PKIG: variants seen among roughly 807,000 people sequenced by gnomAD.
The protein encoded by PKIG is protein kinase (cAMP-dependent, catalytic) inhibitor gamma.
A neutral mutation model predicts 6.8 loss-of-function variants in PKIG; 1 was observed. The observed-to-expected ratio is 0.15, with a 90% CI of 0.05 to 0.69. The LOEUF is 0.69. PKIG is among the 30% of genes least tolerant of loss of function. The probability of loss-of-function intolerance (pLI) is 0.82; values close to 1 mark genes in which losing one functional copy is unlikely to be tolerated. For synonymous variants in PKIG, 39 were observed against 43.0 expected (o/e 0.91, Z 0.36); for missense variants, 77 against 104.0 (o/e 0.74, Z 1.13).
chr20:44,584,151 A>G (rs1222697958), intron 1 of PKIG, among the ~76,000 whole-genome samples: 1 of 152,178 alleles, frequency 6.6e-6, no homozygotes, highest in Non-Finnish European at 1.5e-5. Flanking sequence ...GACTGAGGAC[A>G]ACCATCTACT....
chr20:44,593,982 T>C (rs914145346), intron 2 of PKIG, among the ~76,000 whole-genome samples: 2 of 152,202 alleles, frequency 1.3e-5, no homozygotes, highest in African/African-American at 4.8e-5. Context: ...ATGAGTGCTC[T>C]TGTGCCAACG....
chr20:44,571,601 T>A (rs1293807141), intron 1 of PKIG, among the ~76,000 whole-genome samples: 1 of 152,220 alleles, frequency 6.6e-6, no homozygotes, highest in Non-Finnish European at 1.5e-5. Flanking sequence ...TAACAAGCAC[T>A]TTTTCGTCTT....
chr20:44,563,251 C>G (rs2064782815), intron 1 of PKIG, among the ~76,000 whole-genome samples: 1 of 152,160 alleles, frequency 6.6e-6, no homozygotes, highest in Admixed American at 6.5e-5. Flanking sequence ...CCCTTTTACT[C>G]AGGAAAATTT....
chr20:44,551,174 C>T (rs934424953), intron 1 of PKIG, among the ~76,000 whole-genome samples: 3 of 152,124 alleles, frequency 2.0e-5, no homozygotes, highest in African/African-American at 7.2e-5. Flanking sequence ...CTGCCTCAGC[C>T]TCCCCAGCAG....
intron 2 of PKIG, among the ~76,000 whole-genome samples, chr20:44,591,597 G>A (rs73615492): frequency 0.011 from 1,581 of 146,930 alleles, 14 homozygotes; most frequent in East Asian, 0.063. Context: ...GGGGAGAAAA[G>A]AGGAAGTGGT....
chr20:44,541,716 G>A (rs1356948101), intron 1 of PKIG, among the ~76,000 whole-genome samples: 2 of 144,242 alleles, frequency 1.4e-5, no homozygotes, highest in African/African-American at 5.2e-5. Flanking sequence ...TTTTTGAGAC[G>A]GGGTTTTGCT....
chr20:44,549,942 G>T (rs2064652768), intron 1 of PKIG, among the ~76,000 whole-genome samples: 1 of 151,930 alleles, frequency 6.6e-6, no homozygotes, highest in Admixed American at 6.6e-5. Flanking sequence ...AAGGGAGTTA[G>T]GAAGAGATCT....
chr20:44,616,749 A>G (rs2065268360), intron 3 of PKIG, among the ~76,000 whole-genome samples: 1 of 152,184 alleles, frequency 6.6e-6, no homozygotes, highest in African/African-American at 2.4e-5. Flanking sequence ...GCCCGCAGGG[A>G]GCAGTTCCGT....
At chr20:44,617,870 C>T (rs548620094) in intron 3 of PKIG, among the ~76,000 whole-genome samples, 1 of 151,888 alleles carries the variant, frequency 6.6e-6, no homozygotes, top group South Asian at 2.1e-4. Context: ...CATGGTGAAA[C>T]CCCGTCTCTA....
upstream of PKIG, among the ~76,000 whole-genome samples, chr20:44,578,689 CA>C (rs2064921535): frequency 2.0e-5 from 3 of 152,294 alleles, no homozygotes; most frequent in South Asian, 6.2e-4. Context: ...AACTGTGAGC[CA>C]AATAAACCTC....
intron 1 of PKIG, among the ~76,000 whole-genome samples, chr20:44,535,841 G>A (rs116460631): frequency 9.9e-4 from 150 of 152,256 alleles, no homozygotes; most frequent in African/African-American, 3.4e-3. Flanking sequence ...CCATCTTAAC[G>A]ATTTTTAAGT....
At chr20:44,584,768 G>A (rs905071890) in intron 1 of PKIG, among the ~76,000 whole-genome samples, 3 of 149,942 alleles carry the variant, frequency 2.0e-5, no homozygotes, top group Admixed American at 6.6e-5. Flanking sequence ...CTCCCAGGCT[G>A]GAGTGCAATG....
chr20:44,588,203 A>G (rs1476138898), intron 1 of PKIG, among the ~76,000 whole-genome samples: 1 of 152,232 alleles, frequency 6.6e-6, no homozygotes, highest in African/African-American at 2.4e-5. Flanking sequence ...GGGCAAGGTG[A>G]TAGGTGGATG....
At chr20:44,588,067 G>T (rs952327213) in intron 1 of PKIG, among the ~76,000 whole-genome samples, 1 of 152,232 alleles carries the variant, frequency 6.6e-6, no homozygotes, top group African/African-American at 2.4e-5. Flanking sequence ...TGTGCCCCAA[G>T]ATGGGGACAG....
At chr20:44,556,295 G>A (rs2064712386) in intron 1 of PKIG, among the ~76,000 whole-genome samples, 1 of 152,178 alleles carries the variant, frequency 6.6e-6, no homozygotes, top group Non-Finnish European at 1.5e-5. Context: ...TCCCACATAT[G>A]TTACAACCAA....
rs779228529 is a variant in PKIG, at chr20:44,614,391, C to A, written c.-23-143C>A. 1.7e-4 allele frequency: 102 copies of A among 605,158 alleles called. No homozygotes were observed. The highest frequency in any genetic ancestry group is 2.6e-4 in the Non-Finnish European group (90 of 345,552). The allele number at this position is 605,158 out of a possible 1,614,324, so 37.5% of individuals were successfully genotyped here. Reference sequence around the variant, plus strand: ...TGAGTGACTTGTTTTGTTCTTTGTACTTTTCTGTGCTTTTTGCTTTGTTTT... The same window carrying A: ...TGAGTGACTTGTTTTGTTCTTTGTAATTTTCTGTGCTTTTTGCTTTGTTTT... On this transcript the variant is annotated intron_variant, in intron 2 of 3. Coordinates refer to ENST00000372886, the MANE Select transcript of PKIG (RefSeq NM_001281445.2). This position sits in a 1 kb window ranked among gnomAD's most constrained non-coding sequence, Gnocchi z 4.6.
At chr20:44,563,754 C>T (rs1048806579) in intron 1 of PKIG, among the ~76,000 whole-genome samples, 13 of 152,118 alleles carry the variant, frequency 8.5e-5, no homozygotes, top group African/African-American at 2.9e-4. Context: ...TGGTCTAAAA[C>T]TCCTGGACTC....
intron 1 of PKIG, among the ~76,000 whole-genome samples, chr20:44,571,260 G>T (rs890191879): frequency 3.4e-5 from 5 of 145,214 alleles, no homozygotes; most frequent in African/African-American, 5.1e-5. Flanking sequence ...ATGACAAAAT[G>T]ACCTGAAAAA....
At chr20:44,560,328 G>T (rs766111862) in intron 1 of PKIG, among the ~76,000 whole-genome samples, 1 of 152,000 alleles carries the variant, frequency 6.6e-6, no homozygotes, top group Non-Finnish European at 1.5e-5. Flanking sequence ...GCTTTCACTG[G>T]TTTACACTCC....
Sources: gnomAD v4.1 joint callset for allele counts (sites outside exome capture counted in the v4.1 genomes callset) on GRCh38, gnomAD v4.1.1 for gene constraint, Gnocchi (gnomAD v3.1) non-coding constraint, MANE v1.5 for transcripts, NCBI Gene and HGNC (gene_info 2026-07-23, HGNC 2026-07-21) for gene names.